The following IQCC variants were observed in gnomAD, a reference collection of about 807,000 sequenced individuals.
IQCC encodes the protein IQ motif containing C, also known as IQ domain-containing protein C.
IQCC carries 23 observed loss-of-function variants against 27.0 expected under a neutral mutation model. The observed-to-expected ratio is 0.85, with a 90% confidence interval of 0.61 to 1.21. IQCC has a LOEUF of 1.21. Ranked by LOEUF, IQCC falls within the 50% of genes most tolerant of loss-of-function variation. IQCC has a pLI of 0.00. For missense variants in IQCC, 552 were observed against 562.3 expected (o/e 0.98, Z 0.19); for synonymous variants, 220 against 217.2 (o/e 1.01, Z -0.11).
rs201106711 is a variant in IQCC at position 32,207,564 on chromosome 1, G to T, written c.883G>T (p.Gly295Trp). 6.2e-7 allele frequency: 1 copy of T among 1,612,518 alleles called. No homozygotes were observed. Among genetic ancestry groups the T allele is most frequent in the Non-Finnish European group, 8.5e-7 (1 of 1,179,286 alleles). ...TATACCATCAAACAGCCAGGCCTTG[G>T]GGGACAGGCTCACCAAAGGGCCAGA... ...SSIPSNSQAL[G>W]DRLTKGPDDG... The change falls in exon 5 of 5, where the codon GGG becomes TGG. Residue 295 changes from glycine to tryptophan, a missense_variant. By Grantham distance (184) the Gly-to-Trp change is radical (BLOSUM62 -2). Coordinates refer to ENST00000291358, the MANE Select transcript of IQCC (RefSeq NM_018134.3).
chr1:32,207,274 AGGC>A lies in IQCC; in HGVS notation c.596_598del (p.Ala199del). ...CTTAAACAAACACTGAGATCCCCAG[AGGC>A]GGGCCCGATCAGAGAGGAACCCCGC... On this transcript the variant is annotated inframe_deletion, in exon 5 of 5. Coordinates refer to ENST00000291358, the MANE Select transcript of IQCC (RefSeq NM_018134.3). 1 of 1,614,032 alleles carries A rather than the reference AGGC, an allele frequency of 6.2e-7. No individual in the cohort carries two copies. Among genetic ancestry groups the A allele is most frequent in the African/African-American group, 1.3e-5 (1 of 75,032 alleles).
rs759913479 is a variant in IQCC, at chr1:32,207,532, C to T, written c.851C>T (p.Pro284Leu). ...REPCYSKSGP[P>L]SSIPSNSQAL... ...CCATGCTACAGCAAGTCTGGACCAC[C>T]GTCGTCTATACCATCAAACAGCCAG... Residue 284 changes from proline (P) to leucine (L), a missense_variant, in exon 5 of 5, where the codon CCG (proline) becomes CTG (leucine). Transcript: ENST00000291358. 66 of 1,611,364 alleles carry T rather than the reference C, an allele frequency of 4.1e-5. No individual in the cohort carries two copies. The highest frequency in any genetic ancestry group is 6.7e-5 in the Admixed American group (4 of 59,858).
chr1:32,206,898 G>T, intron 3 of IQCC, 104 bp from the exon 4 acceptor site: 1 of 1,396,840 alleles, frequency 7.2e-7, no homozygotes, highest in Non-Finnish European at 9.9e-7. Flanking sequence ...GCCACCACAT[G>T]GTTGGGCAGT....
chr1:32,207,476 A>G lies in IQCC; in HGVS notation c.795A>G (p.Gln265=). ...HRSPGSLATT[Q]KNIAGAKCRE... The stretch of plus-strand genomic sequence containing the variant: ...CCCCAGGAAGTTTGGCCACTACACA[A>G]AAAAACATTGCTGGGGCTAAGTGCA... Residue 265 remains glutamine, a synonymous_variant, in exon 5 of 5, where the codon CAA becomes CAG. Transcript: ENST00000291358. 2 of 1,613,476 alleles carry G rather than the reference A, an allele frequency of 1.2e-6. No homozygotes were observed. The highest frequency in any genetic ancestry group is 1.7e-6 in the Non-Finnish European group (2 of 1,179,776).
In IQCC at chr1:32,206,200, G is replaced by A; in HGVS notation, c.89G>A (p.Arg30Gln). 3 of 1,613,972 alleles carry A rather than the reference G, an allele frequency of 1.9e-6. No individual in the cohort carries two copies. Among genetic ancestry groups the A allele is most frequent in the Admixed American group, 3.3e-5 (2 of 60,030 alleles). The change falls in exon 2 of 5, where the codon CGA (arginine) becomes CAA (glutamine). Residue 30 changes from arginine to glutamine, a missense_variant. Coordinates refer to ENST00000291358, the MANE Select transcript of IQCC (RefSeq NM_018134.3). ...GTCCGACGCCAGTTCCAGAGCCTGC[G>A]AGCTGAGTATGAGGCGATTGTACGA... Reference protein sequence around the residue: ...FLVRRQFQSLRAEYEAIVREV... With the variant: ...FLVRRQFQSLQAEYEAIVREV...
Position 32,206,134 on chromosome 1 carries a change from C to T in IQCC, c.43-20C>T. On this transcript the variant is annotated intron_variant, in intron 1 of 4. Transcript: ENST00000291358. Reference sequence around the variant, plus strand: ...TCTTACCGTGATAAGGGACTTCTTTCCTCTCGTTCTCCATACCAGGCCTGC... The same window carrying T: ...TCTTACCGTGATAAGGGACTTCTTTTCTCTCGTTCTCCATACCAGGCCTGC... 4 of 1,613,112 alleles carry T rather than the reference C, an allele frequency of 2.5e-6. No individual in the cohort carries two copies. Among genetic ancestry groups the T allele is most frequent in the Non-Finnish European group, 3.4e-6 (4 of 1,179,064 alleles).
In IQCC at chr1:32,208,035, G is replaced by A; in HGVS notation, c.1354G>A (p.Glu452Lys). 3 of 1,614,070 alleles carry A rather than the reference G, an allele frequency of 1.9e-6. No individual in the cohort carries two copies. The South Asian group carries it at 3.3e-5, about 18-fold the overall frequency. ...LSSTKAGCTG[E>K]EQWRGRPWKT... ...TTCTACAAAGGCAGGCTGTACAGGAGAGGAACAGTGGAGGGGCAGGCCATG... is the reference window on the plus strand; with the variant it reads ...TTCTACAAAGGCAGGCTGTACAGGAAAGGAACAGTGGAGGGGCAGGCCATG... Residue 452 changes from glutamate to lysine, a missense_variant, in exon 5 of 5, where the codon GAG (glutamate) becomes AAG (lysine). Glu to Lys is a moderately conservative substitution (Grantham distance 56). Coordinates refer to ENST00000291358, the MANE Select transcript of IQCC (RefSeq NM_018134.3).
chr1:32,208,035 G>C lies in IQCC; in HGVS notation c.1354G>C (p.Glu452Gln), dbSNP rs199929719. ...TTCTACAAAGGCAGGCTGTACAGGA[G>C]AGGAACAGTGGAGGGGCAGGCCATG... ...LSSTKAGCTG[E>Q]EQWRGRPWKT... is the part of the protein sequence containing the mutation. Residue 452 changes from glutamate (E) to glutamine (Q), a missense_variant, in exon 5 of 5, where the codon GAG (glutamate) becomes CAG (glutamine). Glu to Gln is a conservative substitution (Grantham distance 29, BLOSUM62 2). Transcript: ENST00000291358. 12 of 1,613,952 alleles carry C rather than the reference G, an allele frequency of 7.4e-6. No individual in the cohort carries two copies. The highest frequency in any genetic ancestry group is 1.3e-5 in the African/African-American group (1 of 74,914).
rs1643451743 is a variant in IQCC, at chr1:32,208,483, A to G, written c.*401A>G. The G allele has an allele frequency of 5.6e-6, 1 of 177,506 alleles. No individual in the cohort carries two copies. Among genetic ancestry groups the G allele is most frequent in the Admixed American group, 5.4e-5 (1 of 18,498 alleles). The allele number at this position is 177,506 out of a possible 1,614,324, so 11.0% of individuals were successfully genotyped here. Reference sequence around the variant, plus strand: ...GCCAGGCGTGGTGGTGCATGCCTGTAGTCCCAGTTACTCGGGAGGCTGAGA... The same window carrying G: ...GCCAGGCGTGGTGGTGCATGCCTGTGGTCCCAGTTACTCGGGAGGCTGAGA... On this transcript the variant is annotated 3_prime_UTR_variant, in exon 5 of 5. Transcript: ENST00000291358.
In IQCC at chr1:32,206,248, C is replaced by A. The variant is rs994424121; in HGVS notation, c.137C>A (p.Thr46Lys). The change falls in exon 2 of 5, where the codon ACG becomes AAG. Residue 46 changes from threonine (T) to lysine (K), a missense_variant. By Grantham distance (78) the Thr-to-Lys change is moderately conservative. Transcript: ENST00000291358. ...CGAGAGGTCGAGGGCGACCTGGGCA[C>A]GCTTCAGTGGACCGAGGGCCGCATT... Reference protein sequence around the residue: ...IVREVEGDLGTLQWTEGRIPR... With the variant: ...IVREVEGDLGKLQWTEGRIPR... The A allele has an allele frequency of 1.2e-6, 2 of 1,614,084 alleles. No individual in the cohort carries two copies. Among genetic ancestry groups the A allele is most frequent in the Admixed American group, 1.7e-5 (1 of 60,008 alleles).
At position 32,205,697 on chromosome 1, in the gene IQCC, C is replaced by T. The variant is rs1185750070; in HGVS notation, c.16C>T (p.Leu6=). The T allele has an allele frequency of 6.8e-6, 11 of 1,607,144 alleles. No homozygotes were observed. The highest frequency in any genetic ancestry group is 1.7e-5 in the Admixed American group (1 of 59,768). ...GTTGGCGCCCATGGAGCCAGAGCTG[C>T]TGGTTCGGAAGGTGTCTGCATTGCA... is the stretch of plus-strand genomic sequence containing the variant. MEPEL[L]VRKVSALQAC... is the part of the protein sequence containing the mutation. Residue 6 remains leucine, a synonymous_variant, in exon 1 of 5, where the codon CTG becomes TTG. Coordinates refer to ENST00000291358, the MANE Select transcript of IQCC (RefSeq NM_018134.3). The surrounding 1 kb of genome is among the most constrained non-coding windows in gnomAD (Gnocchi z 5.6).
chr1:32,206,083 A>G (rs543587455), intron 1 of IQCC, 71 bp from the exon 2 acceptor site: 1,841 of 1,610,692 alleles, frequency 1.1e-3, no homozygotes, highest in Non-Finnish European at 1.4e-3. Context: ...CGACCTCTTC[A>G]GGACAGTCCT....
rs766109179 is a variant in IQCC at position 32,206,612 on chromosome 1, C to G, written c.290C>G (p.Thr97Ser). Reference protein sequence around the residue: ...FPCEESEGEATWEEMVLKKSG... With the variant: ...FPCEESEGEASWEEMVLKKSG... ...TGTGAAGAGTCTGAGGGAGAGGCCA[C>G]CTGGGAGGAGATGGTGCTGAAGAAG... Residue 97 changes from threonine to serine, a missense_variant, in exon 3 of 5, where the codon ACC (threonine) becomes AGC (serine). By Grantham distance (58) the Thr-to-Ser change is moderately conservative. Transcript: ENST00000291358. 1.0e-4 allele frequency: 167 copies of G among 1,614,060 alleles called. 2 individuals are homozygous for G. The South Asian group carries it at 1.8e-3, about 17-fold the overall frequency.
At position 32,207,234 on chromosome 1, in the gene IQCC, C is replaced by T. The variant is rs201818705; in HGVS notation, c.559-6C>T. ...TTGGTACAATGTATGTTCTCTCCCC[C>T]AACAGTACCTACTTCTTAAACAAAC... On this transcript the variant is annotated splice_polypyrimidine_tract_variant and splice_region_variant and intron_variant, in intron 4 of 4. Coordinates refer to ENST00000291358, the MANE Select transcript of IQCC (RefSeq NM_018134.3). 6.2e-7 allele frequency: 1 copy of T among 1,613,886 alleles called. No individual in the cohort carries two copies. The highest frequency in any genetic ancestry group is 1.1e-5 in the South Asian group (1 of 91,030).
chr1:32,206,396 T>C, intron 2 of IQCC, 99 bp downstream of exon 2: 1 of 1,596,648 alleles, frequency 6.3e-7, no homozygotes. Flanking sequence ...GGCAGTAGAC[T>C]CACCTCCTCA....
rs1643455853 is a variant in IQCC at position 32,208,602 on chromosome 1, TCAAAAAA to T, written c.*525_*531del. The T allele has an allele frequency of 5.9e-6, 1 of 170,902 alleles. No homozygotes were observed. The highest frequency in any genetic ancestry group is 5.6e-5 in the Admixed American group (1 of 17,986). The allele number at this position is 170,902 out of a possible 1,614,324, so 10.6% of individuals were successfully genotyped here. On this transcript the variant is annotated 3_prime_UTR_variant, in exon 5 of 5. Transcript: ENST00000291358. ...CTGGGCTACAGAGCGAGACACGGTC[TCAAAAAA>T]CAAATGTGTGGCTAAGGAGTTACCT...
At position 32,207,751 on chromosome 1, in the gene IQCC, G is replaced by C. The variant is rs757417578; in HGVS notation, c.1070G>C (p.Arg357Thr). Reference sequence around the variant, plus strand: ...TCAAATATTAAGGAGATGTCTCCCAGAAAACTAGACCACAAAGAGCCTGAC... The same window carrying C: ...TCAAATATTAAGGAGATGTCTCCCACAAAACTAGACCACAAAGAGCCTGAC... ...EDSNIKEMSPRKLDHKEPDCR... is the reference protein window; with the variant it reads ...EDSNIKEMSPTKLDHKEPDCR... The change falls in exon 5 of 5, where the codon AGA becomes ACA. Residue 357 changes from arginine to threonine, a missense_variant. By Grantham distance (71) the Arg-to-Thr change is moderately conservative. Coordinates refer to ENST00000291358, the MANE Select transcript of IQCC (RefSeq NM_018134.3). 6.2e-7 allele frequency: 1 copy of C among 1,613,942 alleles called. No individual in the cohort carries two copies. Among genetic ancestry groups the C allele is most frequent in the South Asian group, 1.1e-5 (1 of 91,090 alleles).
Position 32,207,111 on chromosome 1 carries a change from C to T in IQCC, c.549C>T (p.Ser183=), listed in dbSNP as rs1260876882. Residue 183 remains serine (S), a synonymous_variant, in exon 4 of 5, where the codon AGC becomes AGT. Coordinates refer to ENST00000291358, the MANE Select transcript of IQCC (RefSeq NM_018134.3). The part of the protein sequence containing the change: ...ELLWLQQAIN[S]RKEYLLLKQT... ...TGTGGCTGCAACAGGCCATCAATAGCCGTAAGGAGGTAACACTAACCTGGA... is the reference window on the plus strand; with the variant it reads ...TGTGGCTGCAACAGGCCATCAATAGTCGTAAGGAGGTAACACTAACCTGGA... 1.9e-6 allele frequency: 3 copies of T among 1,607,498 alleles called. No homozygotes were observed. In the South Asian group the frequency reaches 3.3e-5, roughly 18 times the overall value.
chr1:32,207,033 A>G lies in IQCC; in HGVS notation c.471A>G (p.Gln157=), dbSNP rs780216787. The change falls in exon 4 of 5, where the codon CAA becomes CAG. Residue 157 remains glutamine, a synonymous_variant. Transcript: ENST00000291358. ...EATDQRLPHS[Q]PQLQELQYHR... is the part of the protein sequence containing the mutation. Reference sequence around the variant, plus strand: ...CAGATCAAAGACTGCCCCACAGCCAACCTCAGCTTCAAGAGCTTCAGTACC... The same window carrying G: ...CAGATCAAAGACTGCCCCACAGCCAGCCTCAGCTTCAAGAGCTTCAGTACC... 1.2e-6 allele frequency: 2 copies of G among 1,613,042 alleles called. No homozygotes were observed. Among genetic ancestry groups the G allele is most frequent in the South Asian group, 1.1e-5 (1 of 90,968 alleles).
Sources: gnomAD v4.1 joint callset for allele counts on GRCh38, gnomAD v4.1.1 for gene constraint, Gnocchi (gnomAD v3.1) non-coding constraint, MANE v1.5 for transcripts, NCBI Gene and HGNC (gene_info 2026-07-23, HGNC 2026-07-21) for gene names.